Variants in FAM89A observed in about 807,000 individuals in gnomAD.
FAM89A encodes the protein protein FAM89A.
In FAM89A, 10 loss-of-function variants were observed where a neutral mutation model predicts 7.1. The ratio of observed to expected loss-of-function variants is 1.40; its 90% confidence interval spans 0.86 to 2.38. FAM89A has a LOEUF of 2.38. Among genes scored for constraint, FAM89A ranks in the 30% most tolerant of loss-of-function variants. The pLI, the probability that FAM89A is intolerant of heterozygous loss-of-function variation, is 0.00. For synonymous variants in FAM89A, 157 were observed against 129.3 expected (o/e 1.21, Z -1.45); for missense variants, 276 against 262.8 (o/e 1.05, Z -0.35).
intron 1 of FAM89A, among the ~76,000 whole-genome samples, chr1:231,035,801 A>T (rs1485300153): frequency 6.6e-6 from 1 of 152,234 alleles, no homozygotes; most frequent in Non-Finnish European, 1.5e-5. Context: ...TCTGCAGTAG[A>T]TGTCTACTAC....
intron 1 of FAM89A, among the ~76,000 whole-genome samples, chr1:231,024,519 T>TACACACACACACACACAC (rs1558254461): frequency 2.4e-4 from 10 of 41,610 alleles, no homozygotes; most frequent in African/African-American, 8.1e-4. Context: ...TTACATTGCA[T>TACACACACACACACACAC]GCACACACAC....
intron 1 of FAM89A, chr1:231,022,150 C>T (rs1295667269): frequency 8.9e-7 from 1 of 1,129,790 alleles, no homozygotes; most frequent in African/African-American, 1.5e-5. Context: ...GGAAAAAGAT[C>T]AACCACAAAC....
chr1:231,019,565 C>T lies in FAM89A; in HGVS notation c.*298G>A, dbSNP rs375618175. 1.2e-5 allele frequency: 4 copies of T among 320,908 alleles called. No individual in the cohort carries two copies. Among genetic ancestry groups the T allele is most frequent in the Admixed American group, 4.6e-5 (1 of 21,816 alleles). 19.9% of individuals were successfully genotyped at this position (320,908 alleles called of 1,614,324 possible). On this transcript the variant is annotated 3_prime_UTR_variant, in exon 2 of 2. Coordinates refer to ENST00000366654, the MANE Select transcript of FAM89A (RefSeq NM_198552.3). ...CAAAACACCCACTAAGGCCTTTCAC[C>T]GAGATCCTCTTGTTATATTCTCATT...
intron 1 of FAM89A, chr1:231,022,268 C>G (rs1679892683): frequency 3.9e-6 from 3 of 773,994 alleles, no homozygotes; most frequent in Non-Finnish European, 6.9e-6. Context: ...CTCAAAAAGA[C>G]TGTTTTGAAA....
At chr1:231,025,996 T>C (rs537503456) in intron 1 of FAM89A, 7 of 152,724 alleles carry the variant, frequency 4.6e-5, no homozygotes, top group Middle Eastern at 5.4e-4. Context: ...GGAACCTGCC[T>C]ACCTCCCTGC....
At chr1:231,026,874 G>T (rs1210171816) in intron 1 of FAM89A, 1 of 152,082 alleles carries the variant, frequency 6.6e-6, no homozygotes, top group Non-Finnish European at 1.5e-5. Flanking sequence ...CTCTCTCGGG[G>T]TCACATAGTA....
At chr1:231,026,410 G>A (rs747478353) in intron 1 of FAM89A, 3 of 152,150 alleles carry the variant, frequency 2.0e-5, no homozygotes, top group Non-Finnish European at 4.4e-5. Context: ...CCCAAAAGGA[G>A]GACCTTCCAA....
At position 231,020,034 on chromosome 1, in the gene FAM89A, G is replaced by A. The variant is rs1267616998; in HGVS notation, c.384C>T (p.Ala128=). ...IQEYKGACQA[A]SSPDCTYALE... is the part of the protein sequence containing the mutation. ...GAGCGTAAGTGCAGTCTGGGCTGGA[G>A]GCTGCCTGGCATGCCCCCTTGTACT... The change falls in exon 2 of 2, where the codon GCC becomes GCT. Residue 128 remains alanine, a synonymous_variant. Coordinates refer to ENST00000366654, the MANE Select transcript of FAM89A (RefSeq NM_198552.3). 3 of 1,614,046 alleles carry A rather than the reference G, an allele frequency of 1.9e-6. No individual in the cohort carries two copies. Among genetic ancestry groups the A allele is most frequent in the Non-Finnish European group, 2.5e-6 (3 of 1,180,044 alleles).
intron 1 of FAM89A, among the ~76,000 whole-genome samples, chr1:231,038,158 A>G (rs6660782): frequency 0.41 from 62,056 of 152,118 alleles, 12,886 homozygotes; most frequent in East Asian, 0.56. Context: ...ACTTGTCAAA[A>G]CCTGCAGCCA....
intron 1 of FAM89A, among the ~76,000 whole-genome samples, chr1:231,027,912 T>C (rs997499131): frequency 2.0e-5 from 3 of 152,236 alleles, no homozygotes; most frequent in Admixed American, 2.0e-4. Flanking sequence ...GGACATTTAC[T>C]ACTCTCTATA....
chr1:231,020,123 C>T lies in FAM89A; in HGVS notation c.295G>A (p.Gly99Ser). The T allele has an allele frequency of 6.2e-7, 1 of 1,604,806 alleles. No homozygotes were observed. Among genetic ancestry groups the T allele is most frequent in the Non-Finnish European group, 8.5e-7 (1 of 1,173,344 alleles). Residue 99 changes from glycine to serine, a missense_variant, in exon 2 of 2, where the codon GGT becomes AGT. Gly to Ser is a moderately conservative substitution (Grantham distance 56). Transcript: ENST00000366654. ...ALALLRKEMVGLRQLDMSLLC... is the reference protein window; with the variant it reads ...ALALLRKEMVSLRQLDMSLLC... The stretch of plus-strand genomic sequence containing the variant: ...AAGGACATGTCCAGCTGGCGGAGAC[C>T]AACCTTGAGGGAAGGGGTGGGGAGG...
At chr1:231,034,643 A>G (rs6698456) in intron 1 of FAM89A, among the ~76,000 whole-genome samples, 59,049 of 151,482 alleles carry the variant, frequency 0.39, 11,583 homozygotes, top group East Asian at 0.55. Context: ...ATGGTGGCGC[A>G]TGCCTGTAAT....
chr1:231,033,768 G>C (rs1057208557), intron 1 of FAM89A, among the ~76,000 whole-genome samples: 2 of 152,174 alleles, frequency 1.3e-5, no homozygotes, highest in Non-Finnish European at 2.9e-5. Context: ...GGTAGGTACA[G>C]TAATAGAGCA....
intron 1 of FAM89A, among the ~76,000 whole-genome samples, chr1:231,038,755 T>TA (rs1439984539): frequency 1.3e-5 from 2 of 151,824 alleles, no homozygotes; most frequent in African/African-American, 2.4e-5. Context: ...AATTAAGTCT[T>TA]AGTTTTCAGA....
At chr1:231,033,402 G>A (rs192766304) in intron 1 of FAM89A, among the ~76,000 whole-genome samples, 149 of 152,328 alleles carry the variant, frequency 9.8e-4, no homozygotes, top group African/African-American at 3.3e-3. Flanking sequence ...TTCCCAGAGC[G>A]AAACTGCGAA....
intron 1 of FAM89A, among the ~76,000 whole-genome samples, chr1:231,035,462 C>T (rs1004058579): frequency 2.0e-5 from 3 of 152,174 alleles, no homozygotes; most frequent in African/African-American, 7.2e-5. Flanking sequence ...CAAGAATCCC[C>T]AGGGATGCTG....
Position 231,040,177 on chromosome 1 carries a change from C to A in FAM89A, c.35G>T (p.Gly12Val). Reference sequence around the variant, plus strand: ...CCGCAGCCCCCGGACCGCGCCGTTGCCCGCGGCCCCGGGCGCCGCCCGGGC... The same window carrying A: ...CCGCAGCCCCCGGACCGCGCCGTTGACCGCGGCCCCGGGCGCCGCCCGGGC... Reference protein sequence around the residue: ...SGARAAPGAAGNGAVRGLRVD... With the variant: ...SGARAAPGAAVNGAVRGLRVD... The change falls in exon 1 of 2, where the codon GGC becomes GTC. Residue 12 changes from glycine to valine, a missense_variant. Transcript: ENST00000366654. The A allele has an allele frequency of 8.7e-7, 1 of 1,149,164 alleles. No individual in the cohort carries two copies. Among genetic ancestry groups the A allele is most frequent in the Non-Finnish European group, 1.1e-6 (1 of 937,912 alleles). 71.2% of individuals were successfully genotyped at this position (1,149,164 alleles called of 1,614,324 possible). A position where few individuals can be genotyped will look rare whatever the true frequency, so the allele number is the denominator to read the frequency against.
intron 1 of FAM89A, among the ~76,000 whole-genome samples, chr1:231,028,126 G>A (rs577783400): frequency 5.9e-5 from 9 of 152,302 alleles, no homozygotes; most frequent in African/African-American, 1.9e-4. Flanking sequence ...GCCTGGCAGT[G>A]GGGTGGTGCT....
At chr1:231,031,851 A>T (rs1045379104) in intron 1 of FAM89A, among the ~76,000 whole-genome samples, 1 of 152,234 alleles carries the variant, frequency 6.6e-6, no homozygotes, top group African/African-American at 2.4e-5. Flanking sequence ...ATTATAAAAA[A>T]TCCTGCAATA....
Sources: gnomAD v4.1 joint callset for allele counts (sites outside exome capture counted in the v4.1 genomes callset) on GRCh38, gnomAD v4.1.1 for gene constraint, MANE v1.5 for transcripts, NCBI Gene and HGNC (gene_info 2026-07-23, HGNC 2026-07-21) for gene names.